Variants in TMIGD3 observed in about 807,000 individuals in gnomAD.
TMIGD3 encodes AD026 protein (AD026).
Under a neutral mutation model 28.1 loss-of-function variants are expected in TMIGD3, and 21 were observed. The observed-to-expected ratio is 0.75, with a 90% CI of 0.53 to 1.08. The LOEUF is 1.08. TMIGD3 is among the 50% of genes least tolerant of loss of function. The probability of loss-of-function intolerance (pLI) is 0.00; values close to 1 mark genes in which losing one functional copy is unlikely to be tolerated. For missense variants in TMIGD3, 416 were observed against 435.6 expected, an observed-to-expected ratio of 0.96 and a Z score of 0.40; for synonymous variants, 151 against 162.1, an observed-to-expected ratio of 0.93 and a Z score of 0.52.
At chr1:111,492,160 A>G (rs905075935) in intron 1 of TMIGD3, among the ~76,000 whole-genome samples, 4 of 152,196 alleles carry the variant, frequency 2.6e-5, no homozygotes, top group African/African-American at 7.2e-5. Flanking sequence ...TCATCTCAGA[A>G]GTGGATCCTC....
rs1052213195 is a variant in TMIGD3 at position 111,499,415 on chromosome 1, G to A, written c.350+3590C>T. 3 of 989,110 alleles carry A rather than the reference G, an allele frequency of 3.0e-6. No homozygotes were observed. The African/African-American group carries it at 5.2e-5, about 17-fold the overall frequency. The allele number at this position is 989,110 out of a possible 1,614,324, so 61.3% of individuals were successfully genotyped here. ...TTAAGCCCCAAGTTACCCCAGCAAA[G>A]AGCTACACTCCAGTTAGCTATTAGC... On this transcript the variant is annotated intron_variant, in intron 1 of 5. Transcript: ENST00000369716.
intron 2 of TMIGD3, among the ~76,000 whole-genome samples, chr1:111,489,905 A>G (rs1198782041): frequency 6.6e-6 from 1 of 152,156 alleles, no homozygotes; most frequent in African/African-American, 2.4e-5. Context: ...CATGGCAGGG[A>G]AAGTGTCTGA....
At chr1:111,500,246 A>G (rs780146063) in intron 1 of TMIGD3, 22 of 1,614,062 alleles carry the variant, frequency 1.4e-5, no homozygotes, top group Admixed American at 6.7e-5. Context: ...CGTCCATAAA[A>G]TGCACCTGTC....
chr1:111,504,773 T>G, upstream of TMIGD3: 1 of 785,114 alleles, frequency 1.3e-6, no homozygotes, highest in Non-Finnish European at 1.5e-6. Flanking sequence ...CAGGGTCCTC[T>G]TGTTAGTTGA....
chr1:111,539,264 C>T (rs1656739516), intron 1 of TMIGD3, among the ~76,000 whole-genome samples: 1 of 152,138 alleles, frequency 6.6e-6, no homozygotes, highest in African/African-American at 2.4e-5. Context: ...TCTCCCCTCT[C>T]TAGTAGTCCC....
At chr1:111,515,402 C>T (rs950270403) in intron 1 of TMIGD3, among the ~76,000 whole-genome samples, 2 of 152,214 alleles carry the variant, frequency 1.3e-5, no homozygotes. Context: ...CGGTCCTCAG[C>T]CCTGCTTGTG....
chr1:111,512,663 C>A (rs967974618), intron 1 of TMIGD3, among the ~76,000 whole-genome samples: 7 of 152,222 alleles, frequency 4.6e-5, no homozygotes, highest in South Asian at 2.1e-4. Flanking sequence ...GTTTCACTAT[C>A]AGAGCCACTC....
In TMIGD3 at chr1:111,545,115, T is replaced by C. The variant is rs113938152; in HGVS notation, c.107+18731A>G. ...TTTCTTGGGTATATCCAATTTGGTA[T>C]ATACCCAATTTCTTGGGTATATACC... On this transcript the variant is annotated intron_variant, in intron 1 of 5. Transcript: ENST00000369717. Among the ~76,000 whole-genome samples the C allele has an allele frequency of 1.1e-3, 170 of 147,940 alleles. 5 individuals are homozygous for C. Among genetic ancestry groups the C allele is most frequent in the African/African-American group, 3.7e-3 (143 of 39,048 alleles).
upstream of TMIGD3, among the ~76,000 whole-genome samples, chr1:111,507,022 T>TGC (rs1655525978): frequency 2.8e-5 from 1 of 35,284 alleles, no homozygotes; most frequent in Admixed American, 4.7e-4. Flanking sequence ...TGTGTGTGTG[T>TGC]GTGTGTGTGT....
chr1:111,492,480 A>C (rs917966299), intron 1 of TMIGD3, among the ~76,000 whole-genome samples: 1 of 152,212 alleles, frequency 6.6e-6, no homozygotes, highest in Non-Finnish European at 1.5e-5. Context: ...CAAAAAGAGA[A>C]ATGGATTGTG....
At chr1:111,539,218 T>G (rs932500027) in intron 1 of TMIGD3, among the ~76,000 whole-genome samples, 1 of 152,238 alleles carries the variant, frequency 6.6e-6, no homozygotes, top group Non-Finnish European at 1.5e-5. Context: ...GCATAGTACC[T>G]GATACTATGC....
Position 111,555,648 on chromosome 1 carries a change from A to G in TMIGD3, c.107+8198T>C, listed in dbSNP as rs939622487. Among the ~76,000 whole-genome samples, 8 of 152,150 alleles carry G rather than the reference A, an allele frequency of 5.3e-5. No individual in the cohort carries two copies. The East Asian group carries it at 1.5e-3, about 29-fold the overall frequency. On this transcript the variant is annotated intron_variant, in intron 1 of 5. Coordinates refer to the TMIGD3 transcript ENST00000369717. The stretch of plus-strand genomic sequence containing the variant: ...ATTCACCTTCCCAAAAGAGGGATTA[A>G]AAAGGTAATATTCAAAGAGATACTG...
chr1:111,507,647 T>G (rs985145551), upstream of TMIGD3, among the ~76,000 whole-genome samples: 1 of 152,230 alleles, frequency 6.6e-6, no homozygotes, highest in Admixed American at 6.5e-5. Flanking sequence ...CACGGGCAGC[T>G]AAGACCGGAT....
intron 1 of TMIGD3, among the ~76,000 whole-genome samples, chr1:111,509,523 C>T (rs930305470): frequency 1.3e-5 from 2 of 152,110 alleles, no homozygotes; most frequent in Admixed American, 6.5e-5. Flanking sequence ...CACCGGGAGG[C>T]GTAGGAATGA....
At chr1:111,514,269 G>A (rs897528809) in intron 1 of TMIGD3, among the ~76,000 whole-genome samples, 2 of 152,198 alleles carry the variant, frequency 1.3e-5, no homozygotes, top group Non-Finnish European at 2.9e-5. Flanking sequence ...AGTCTGGGAT[G>A]TGCGGCAGCT....
chr1:111,518,056 T>C (rs1266484298), intron 1 of TMIGD3, among the ~76,000 whole-genome samples: 1 of 152,206 alleles, frequency 6.6e-6, no homozygotes, highest in East Asian at 1.9e-4. Flanking sequence ...AGAACACATA[T>C]GCAGTTCATG....
In TMIGD3 at chr1:111,483,435, C is replaced by T. The variant is rs1654215038; in HGVS notation, c.*252G>A. The T allele has an allele frequency of 6.7e-6, 3 of 448,518 alleles. No homozygotes were observed. The highest frequency in any genetic ancestry group is 1.2e-5 in the Non-Finnish European group (3 of 247,136). 27.8% of individuals were successfully genotyped at this position (448,518 alleles called of 1,614,324 possible). A position where few individuals can be genotyped will look rare whatever the true frequency, so the allele number is the denominator to read the frequency against. On this transcript the variant is annotated 3_prime_UTR_variant, in exon 6 of 6. Transcript: ENST00000369716. ...ATCCAGATTCTCCACCTCTTCTTCA[C>T]TTCTGACTGATGGAATGCATAAGAA... is the stretch of plus-strand genomic sequence containing the variant.
intron 1 of TMIGD3, among the ~76,000 whole-genome samples, chr1:111,552,558 T>C (rs943780942): frequency 6.6e-6 from 1 of 152,188 alleles, no homozygotes; most frequent in African/African-American, 2.4e-5. Context: ...AATTCACCAT[T>C]TTTTTATCCA....
intron 1 of TMIGD3, among the ~76,000 whole-genome samples, chr1:111,553,236 G>C (rs1026928277): frequency 6.6e-6 from 1 of 152,190 alleles, no homozygotes; most frequent in Non-Finnish European, 1.5e-5. Context: ...CAAGGCAAAG[G>C]CCAGGCAGGT....
Sources: gnomAD v4.1 joint callset for allele counts (sites outside exome capture counted in the v4.1 genomes callset) on GRCh38, gnomAD v4.1.1 for gene constraint, MANE v1.5 for transcripts, NCBI Gene and HGNC (gene_info 2026-07-23, HGNC 2026-07-21) for gene names.